FILIP1L: variants seen among roughly 807,000 people sequenced by gnomAD.
FILIP1L encodes the protein filamin A interacting protein 1 like.
FILIP1L carries 55 observed loss-of-function variants against 96.6 expected under a neutral mutation model. The observed-to-expected ratio is 0.57, with a 90% CI of 0.46 to 0.71. The LOEUF is 0.71. Among genes scored for constraint, FILIP1L ranks in the 30% least tolerant of loss-of-function variants. The pLI is 0.00. For missense variants in FILIP1L, 1,304 were observed against 1,321.2 expected (o/e 0.99, Z 0.20); for synonymous variants, 467 against 473.9 (o/e 0.99, Z 0.19).
At chr3:100,033,615 A>T (rs907569718) in intron 1 of FILIP1L, among the ~76,000 whole-genome samples, 1 of 152,222 alleles carries the variant, frequency 6.6e-6, no homozygotes, top group Admixed American at 6.5e-5. Context: ...AAGTAGCCTG[A>T]AAAGCAGATA....
At chr3:99,907,437 C>T (rs1235828997) in intron 4 of FILIP1L, among the ~76,000 whole-genome samples, 2 of 152,020 alleles carry the variant, frequency 1.3e-5, no homozygotes, top group African/African-American at 4.8e-5. Context: ...TTAGTAGAGA[C>T]AGGGTTTCAC....
At chr3:99,914,042 C>T (rs750366071) in intron 4 of FILIP1L, among the ~76,000 whole-genome samples, 4 of 152,226 alleles carry the variant, frequency 2.6e-5, no homozygotes, top group Non-Finnish European at 5.9e-5. Context: ...AATTCTCAAA[C>T]ACTCCAAACT....
At chr3:99,983,403 T>C (rs1277064176) in intron 1 of FILIP1L, among the ~76,000 whole-genome samples, 3 of 109,412 alleles carry the variant, frequency 2.7e-5, no homozygotes, top group Non-Finnish European at 5.4e-5. Context: ...TATATATATA[T>C]ATATATATAT....
intron 4 of FILIP1L, among the ~76,000 whole-genome samples, chr3:99,918,872 C>T (rs1376012120): frequency 6.6e-6 from 1 of 152,102 alleles, no homozygotes; most frequent in East Asian, 1.9e-4. Context: ...TGACAAAGGT[C>T]AAATGGAGAT....
chr3:99,928,305 G>A (rs1399044472), intron 3 of FILIP1L, among the ~76,000 whole-genome samples: 1 of 152,196 alleles, frequency 6.6e-6, no homozygotes, highest in Admixed American at 6.5e-5. Context: ...GGTTGTGTAC[G>A]TGGAGTTATT....
At chr3:99,946,008 T>G (rs1707996923) in intron 1 of FILIP1L, among the ~76,000 whole-genome samples, 1 of 152,212 alleles carries the variant, frequency 6.6e-6, no homozygotes, top group African/African-American at 2.4e-5. Context: ...TACAGACAGT[T>G]GGTAGATGTA....
chr3:99,974,270 A>G (rs1464588279), intron 1 of FILIP1L, among the ~76,000 whole-genome samples: 1 of 152,220 alleles, frequency 6.6e-6, no homozygotes, highest in Non-Finnish European at 1.5e-5. Flanking sequence ...TCGTGCTTTC[A>G]AGCACGGGTT....
chr3:99,959,885 T>G (rs1007589517), intron 1 of FILIP1L, among the ~76,000 whole-genome samples: 1 of 152,126 alleles, frequency 6.6e-6, no homozygotes. Context: ...CTCAGTGTAG[T>G]AGGACTAAAA....
intron 1 of FILIP1L, among the ~76,000 whole-genome samples, chr3:99,979,099 C>A (rs1047072686): frequency 2.6e-5 from 4 of 152,274 alleles, no homozygotes; most frequent in Middle Eastern, 3.4e-3. Context: ...GGATTTCTAA[C>A]TTCCCCAACA....
chr3:99,901,891 C>T (rs1706449554), intron 4 of FILIP1L, among the ~76,000 whole-genome samples: 1 of 151,984 alleles, frequency 6.6e-6, no homozygotes, highest in South Asian at 2.1e-4. Flanking sequence ...TGCCTTGTCC[C>T]TAGTAGAGCT....
chr3:100,050,048 G>C (rs910220364), intron 1 of FILIP1L, among the ~76,000 whole-genome samples: 5 of 152,162 alleles, frequency 3.3e-5, no homozygotes, highest in African/African-American at 1.2e-4. Context: ...AAGCTTCCTA[G>C]TGGCCTAAGT....
chr3:99,892,724 TCTCACCCACC>T (rs1405618114), intron 4 of FILIP1L, among the ~76,000 whole-genome samples: 16 of 152,088 alleles, frequency 1.1e-4, no homozygotes, highest in African/African-American at 3.9e-4. Context: ...CCTTACTCCA[TCTCACCCACC>T]CTCAAAGGCT....
intron 4 of FILIP1L, among the ~76,000 whole-genome samples, chr3:99,883,394 T>A (rs781378739): frequency 6.6e-6 from 1 of 152,222 alleles, no homozygotes; most frequent in Non-Finnish European, 1.5e-5. Context: ...CTATATTATA[T>A]CATTTTAGTC....
In FILIP1L at chr3:99,848,917, G is replaced by A; in HGVS notation, c.2759C>T (p.Thr920Ile). 6.2e-7 allele frequency: 1 copy of A among 1,614,182 alleles called. No homozygotes were observed. Among genetic ancestry groups the A allele is most frequent in the East Asian group, 2.2e-5 (1 of 44,884 alleles). ...GTGAGGACTCTCTGTGGTTGGACTT[G>A]TGATTTCAAGAGTGGCTGTGTTTTG... The part of the protein sequence containing the change: ...HVQNTATLEI[T>I]SPTTESPHSY... The change falls in exon 5 of 6, where the codon ACA becomes ATA. Residue 920 changes from threonine (T) to isoleucine (I), a missense_variant. Transcript: ENST00000477258.
intron 1 of FILIP1L, among the ~76,000 whole-genome samples, chr3:100,072,143 A>C (rs2065773279): frequency 6.6e-6 from 1 of 152,250 alleles, no homozygotes; most frequent in African/African-American, 2.4e-5. Context: ...TTTTAAGACC[A>C]AACACTAGGC....
At position 100,106,863 on chromosome 3, in the gene FILIP1L, T is replaced by A. The variant is rs774808936; in HGVS notation, c.-11+7190A>T. On this transcript the variant is annotated intron_variant, in intron 1 of 5. Transcript: ENST00000477258. ...AGATGCCAGAGGTTATATTGTTGCT[T>A]TTTAAAAATATGCAGAAAGTTAATA... 1.6e-4 allele frequency among the ~76,000 whole-genome samples: 24 copies of A among 152,156 alleles called. 1 individual carries two copies. Among genetic ancestry groups the A allele is most frequent in the Non-Finnish European group, 1.6e-4 (11 of 68,036 alleles).
chr3:100,065,604 A>G (rs1252475347), intron 1 of FILIP1L, among the ~76,000 whole-genome samples: 1 of 152,154 alleles, frequency 6.6e-6, no homozygotes, highest in African/African-American at 2.4e-5. Flanking sequence ...CCTAATGAAA[A>G]AAGTATTCAC....
At chr3:99,831,289 T>G (rs533036617) in intron 5 of FILIP1L, among the ~76,000 whole-genome samples, 1 of 152,234 alleles carries the variant, frequency 6.6e-6, no homozygotes, top group Non-Finnish European at 1.5e-5. Context: ...TTTAAAACTG[T>G]GTACATGCTT....
chr3:99,977,980 A>T (rs1238964563), intron 1 of FILIP1L, among the ~76,000 whole-genome samples: 1 of 152,210 alleles, frequency 6.6e-6, no homozygotes, highest in Non-Finnish European at 1.5e-5. Flanking sequence ...ATTATGCCAG[A>T]TGGTCCTCTT....
Sources: allele counts gnomAD v4.1 joint callset (sites outside exome capture counted in the v4.1 genomes callset), GRCh38; gene constraint gnomAD v4.1.1; transcripts MANE v1.5; gene names NCBI Gene and HGNC (gene_info 2026-07-23, HGNC 2026-07-21).